The following TMC7 variants were observed in gnomAD, a reference collection of about 807,000 sequenced individuals.
The protein encoded by TMC7 is transmembrane channel like 7.
Under a neutral mutation model 82.9 loss-of-function variants are expected in TMC7, and 54 were observed. The observed-to-expected ratio is 0.65, with a 90% CI of 0.52 to 0.82. The LOEUF (loss-of-function observed/expected upper bound fraction) is 0.82. Ranked by LOEUF, TMC7 falls within the 40% of genes least tolerant of loss-of-function variation. The pLI, the probability that TMC7 is intolerant of heterozygous loss-of-function variation, is 0.00. For missense variants in TMC7, 820 were observed against 901.2 expected (o/e 0.91, Z 1.15); for synonymous variants, 350 against 337.9 (o/e 1.04, Z -0.39).
At position 19,035,820 on chromosome 16, in the gene TMC7, C is replaced by G; in HGVS notation, c.1002C>G (p.Leu334=). 1 of 1,579,350 alleles carries G rather than the reference C, an allele frequency of 6.3e-7. No homozygotes were observed. The highest frequency in any genetic ancestry group is 8.6e-7 in the Non-Finnish European group (1 of 1,162,622). Reference sequence around the variant, plus strand: ...AGCACAGCAGCTTGCGGTACGAGCTCCGAGTGAGTGCTCCTGAGTTTGTCC... The same window carrying G: ...AGCACAGCAGCTTGCGGTACGAGCTGCGAGTGAGTGCTCCTGAGTTTGTCC... ...DLKHSSLRYE[L]RADLEEERMR... is the part of the protein sequence containing the mutation. The change falls in exon 7 of 16, where the codon CTC becomes CTG. Residue 334 remains leucine, a synonymous_variant. Coordinates refer to ENST00000304381, the MANE Select transcript of TMC7 (RefSeq NM_024847.4).
In TMC7 at chr16:19,053,467, G is replaced by A. The variant is rs532219777; in HGVS notation, c.1871+1651G>A. Among the ~76,000 whole-genome samples, 38 of 151,792 alleles carry A rather than the reference G, an allele frequency of 2.5e-4. No individual in the cohort carries two copies. In the East Asian group the frequency reaches 6.8e-3, roughly 27 times the overall value. On this transcript the variant is annotated intron_variant, in intron 13 of 15. Coordinates refer to ENST00000304381, the MANE Select transcript of TMC7 (RefSeq NM_024847.4). ...TGCCCAGGCTGGAGTGCAGTGGCGCGATCTTGGCTCACCGCAACCTCTGCC... is the reference window on the plus strand; with the variant it reads ...TGCCCAGGCTGGAGTGCAGTGGCGCAATCTTGGCTCACCGCAACCTCTGCC...
intron 3 of TMC7, among the ~76,000 whole-genome samples, chr16:19,019,854 G>A (rs1361997484): frequency 6.6e-6 from 1 of 152,182 alleles, no homozygotes; most frequent in Admixed American, 6.5e-5. Context: ...TGAAGTGCAG[G>A]TGTGATAATT....
rs755702813 is a variant in TMC7, at chr16:19,051,795, CTCTGA to C, written c.1851_1855del (p.Leu618AsnfsTer87). 6 of 1,613,940 alleles carry C rather than the reference CTCTGA, an allele frequency of 3.7e-6. No homozygotes were observed. In the East Asian group the frequency reaches 1.3e-4, roughly 36 times the overall value. On this transcript the variant is annotated frameshift_variant, in exon 13 of 16. Transcript: ENST00000304381. LOFTEE classifies it high-confidence loss of function. Reference sequence around the variant, plus strand: ...ATCGGGCTGTGTTTGGCAATAATACCTCTGACAATCAGCATATCACGGTAAATGTG... The same window carrying C: ...ATCGGGCTGTGTTTGGCAATAATACCCAATCAGCATATCACGGTAAATGTG...
chr16:19,011,152 A>T (rs1014595642), intron 2 of TMC7, among the ~76,000 whole-genome samples: 1 of 152,158 alleles, frequency 6.6e-6, no homozygotes, highest in Non-Finnish European at 1.5e-5. Flanking sequence ...CATTTCTACC[A>T]GAGAGAATTT....
In TMC7 at chr16:18,984,147, C is replaced by T. The variant is rs1485912172; in HGVS notation, c.67+17C>T. ...TCCATCCAGGTAGGGCGGCAGGGAG[C>T]GCGCGCGGGGACGGTGCCCCTGGGG... On this transcript the variant is annotated intron_variant, in intron 1 of 15. Transcript: ENST00000304381. 1.2e-5 allele frequency: 18 copies of T among 1,489,216 alleles called. No homozygotes were observed. Among genetic ancestry groups the T allele is most frequent in the Middle Eastern group, 2.4e-4 (1 of 4,228 alleles). 92.3% of individuals were successfully genotyped at this position (1,489,216 alleles called of 1,614,324 possible).
At chr16:19,006,875 G>T (rs2039249307) in intron 1 of TMC7, among the ~76,000 whole-genome samples, 1 of 152,112 alleles carries the variant, frequency 6.6e-6, no homozygotes, top group Admixed American at 6.6e-5. Context: ...GGAGTGTAGT[G>T]GTCCAATTTC....
chr16:19,028,250 TC>T (rs1960327651), intron 5 of TMC7, among the ~76,000 whole-genome samples: 1 of 152,094 alleles, frequency 6.6e-6, no homozygotes, highest in Non-Finnish European at 1.5e-5. Flanking sequence ...AAGAAGTCAG[TC>T]AGCCGGGCAC....
intron 1 of TMC7, among the ~76,000 whole-genome samples, chr16:18,989,665 G>T (rs977481578): frequency 2.0e-4 from 30 of 150,198 alleles, no homozygotes; most frequent in African/African-American, 6.6e-4. Flanking sequence ...CTTTCATGGA[G>T]CTTCTAGTCA....
intron 9 of TMC7, among the ~76,000 whole-genome samples, chr16:19,044,406 T>G (rs1485132494): frequency 6.6e-6 from 1 of 151,344 alleles, no homozygotes; most frequent in East Asian, 2.0e-4. Flanking sequence ...ACTGCCCAGG[T>G]TGTTCTCAAA....
At chr16:18,993,849 C>T (rs12449116) in intron 1 of TMC7, among the ~76,000 whole-genome samples, 96,612 of 151,874 alleles carry the variant, frequency 0.64, 30,834 homozygotes, top group East Asian at 0.82. Context: ...TGAGTTCAGC[C>T]TGCTGAGAAG....
Position 19,051,672 on chromosome 16 carries a change from T to G in TMC7, c.1741-14T>G. On this transcript the variant is annotated splice_polypyrimidine_tract_variant and intron_variant, in intron 12 of 15. Coordinates refer to ENST00000304381, the MANE Select transcript of TMC7 (RefSeq NM_024847.4). ...CTTATTGATCTTAATTTTTCTTTCT[T>G]TTTCTCCTTGTAGTGGAGTCTGCTT... 4.3e-6 allele frequency: 7 copies of G among 1,612,226 alleles called. No individual in the cohort carries two copies. Among genetic ancestry groups the G allele is most frequent in the Non-Finnish European group, 5.9e-6 (7 of 1,178,816 alleles).
intron 5 of TMC7, 66 bp downstream of exon 5, chr16:19,023,261 C>A: frequency 9.0e-7 from 1 of 1,114,904 alleles, no homozygotes; most frequent in South Asian, 1.4e-5. Context: ...ATTTAAAGAT[C>A]AGTTTCCCAA....
intron 1 of TMC7, among the ~76,000 whole-genome samples, chr16:19,005,018 C>A (rs368929345): frequency 6.6e-6 from 1 of 151,514 alleles, no homozygotes; most frequent in Non-Finnish European, 1.5e-5. Flanking sequence ...AAGAGTAGTT[C>A]GGAGTATTAA....
chr16:19,031,563 T>A (rs979705833), intron 6 of TMC7, among the ~76,000 whole-genome samples: 1 of 152,182 alleles, frequency 6.6e-6, no homozygotes, highest in Non-Finnish European at 1.5e-5. Context: ...CCCAGCTGCT[T>A]GGGAGGAGGA....
intron 13 of TMC7, among the ~76,000 whole-genome samples, chr16:19,055,834 C>G (rs1042023801): frequency 6.6e-6 from 1 of 152,146 alleles, no homozygotes; most frequent in African/African-American, 2.4e-5. Context: ...GTATTAAGCC[C>G]AGCATACGTT....
intron 1 of TMC7, among the ~76,000 whole-genome samples, chr16:18,994,852 CT>C (rs1394963445): frequency 6.6e-6 from 1 of 152,072 alleles, no homozygotes; most frequent in African/African-American, 2.4e-5. Flanking sequence ...GGCTTTAATC[CT>C]TTTAAAGCGT....
intron 3 of TMC7, 130 bp from the exon 4 acceptor site, chr16:19,021,499 A>G: frequency 9.8e-7 from 1 of 1,015,960 alleles, no homozygotes; most frequent in Non-Finnish European, 1.4e-6. Context: ...ACAATTGAGA[A>G]AAAAATAAAA....
intron 2 of TMC7, among the ~76,000 whole-genome samples, chr16:19,009,982 C>T (rs1333596436): frequency 1.4e-5 from 2 of 145,000 alleles, no homozygotes; most frequent in South Asian, 2.3e-4. Flanking sequence ...TCTTTCTTTT[C>T]TTTCTTTCTT....
At chr16:19,018,579 C>T (rs1390560829) in intron 3 of TMC7, among the ~76,000 whole-genome samples, 3 of 152,068 alleles carry the variant, frequency 2.0e-5, no homozygotes, top group African/African-American at 7.2e-5. Flanking sequence ...CTTCACCATA[C>T]GAATTTGAGG....
Sources: allele counts gnomAD v4.1 joint callset (sites outside exome capture counted in the v4.1 genomes callset), GRCh38; gene constraint gnomAD v4.1.1; transcripts MANE v1.5; gene names NCBI Gene and HGNC (gene_info 2026-07-23, HGNC 2026-07-21).